PFKFB2: variants seen among roughly 807,000 people sequenced by gnomAD.
PFKFB2 encodes 6-phosphofructo-2-kinase/fructose-2,6-bisphosphatase 2.
A neutral mutation model predicts 68.0 loss-of-function variants in PFKFB2; 53 were observed. The ratio of observed to expected loss-of-function variants is 0.78; its 90% CI spans 0.63 to 0.98. PFKFB2 has a LOEUF of 0.98. Ranked by LOEUF, PFKFB2 falls within the 50% of genes least tolerant of loss-of-function variation. The pLI is 0.00. For synonymous variants in PFKFB2, 222 were observed against 227.6 expected (o/e 0.98, Z 0.22); for missense variants, 451 against 642.0 (o/e 0.70, Z 3.22).
intron 10 of PFKFB2, among the ~76,000 whole-genome samples, chr1:207,068,678 A>T (rs1035872126): frequency 2.0e-5 from 3 of 152,094 alleles, no homozygotes; most frequent in African/African-American, 7.2e-5. Context: ...TTGGTCAGCT[A>T]TTCAGGAAAA....
In PFKFB2 at chr1:207,077,149, TC is replaced by T. The variant is rs1385119546; in HGVS notation, c.*4782del. 3.0e-6 allele frequency: 3 copies of T among 984,860 alleles called. No individual in the cohort carries two copies. The African/African-American group carries it at 5.2e-5, about 17-fold the overall frequency. The allele number at this position is 984,860 out of a possible 1,614,324, so 61.0% of individuals were successfully genotyped here. ...CTTTACTTGAAGTCATCTCATCCAGTCCCCTGCTTTAGGGCAGGACTTCAGT... is the reference window on the plus strand; with the variant it reads ...CTTTACTTGAAGTCATCTCATCCAGTCCCTGCTTTAGGGCAGGACTTCAGT... On this transcript the variant is annotated 3_prime_UTR_variant, in exon 15 of 15. Coordinates refer to ENST00000367080, the MANE Select transcript of PFKFB2 (RefSeq NM_006212.2).
intron 4 of PFKFB2, 31 bp downstream of exon 4, chr1:207,062,747 T>G: frequency 3.1e-6 from 5 of 1,601,670 alleles, no homozygotes; most frequent in Non-Finnish European, 1.7e-6. Context: ...GATCTCCAGG[T>G]CAGCTCTTTC....
At chr1:207,061,129 C>CTTTCTATATA (rs1487570342) in intron 2 of PFKFB2, among the ~76,000 whole-genome samples, 1 of 69,948 alleles carries the variant, frequency 1.4e-5, no homozygotes, top group Non-Finnish European at 2.9e-5. Context: ...TTATATATAT[C>CTTTCTATATA]TTTATATATA....
chr1:207,073,286 C>A lies in PFKFB2; in HGVS notation c.*915C>A. On this transcript the variant is annotated 3_prime_UTR_variant, in exon 15 of 15. Coordinates refer to ENST00000367080, the MANE Select transcript of PFKFB2 (RefSeq NM_006212.2). ...AGAGTAGGGTGGGCTCTAGCTCTTGCAGGGCTCTTAGAGAGCAGTCATGTC... is the reference window on the plus strand; with the variant it reads ...AGAGTAGGGTGGGCTCTAGCTCTTGAAGGGCTCTTAGAGAGCAGTCATGTC... 4.1e-6 allele frequency: 4 copies of A among 985,372 alleles called. No homozygotes were observed. The highest frequency in any genetic ancestry group is 4.8e-6 in the Non-Finnish European group (4 of 829,916). The allele number at this position is 985,372 out of a possible 1,614,324, so 61.0% of individuals were successfully genotyped here.
chr1:207,055,593 G>A (rs760220905), intron 2 of PFKFB2, among the ~76,000 whole-genome samples: 5 of 151,660 alleles, frequency 3.3e-5, no homozygotes, highest in African/African-American at 9.7e-5. Flanking sequence ...CTTCTGGATG[G>A]CACCATTCCT....
chr1:207,061,112 TATATCTTTATA>T (rs1683085768), intron 2 of PFKFB2, among the ~76,000 whole-genome samples: 1 of 39,394 alleles, frequency 2.5e-5, no homozygotes, highest in Non-Finnish European at 6.2e-5. Flanking sequence ...TATATATCTA[TATATCTTTATA>T]TATATCTTTA....
At chr1:207,071,626 T>G in intron 14 of PFKFB2, 53 bp downstream of exon 14, 1 of 1,345,940 alleles carries the variant, frequency 7.4e-7, no homozygotes, top group Non-Finnish European at 1.1e-6. Context: ...CTTGAGTCTC[T>G]GAAGCTTTGA....
chr1:207,063,888 G>GGGGGGGTGT lies in PFKFB2; in HGVS notation c.507+60_507+61insGGGGGTGTG. ...ACCTTTTGTGCTGTGTGTGTTGTGG[G>GGGGGGGTGT]GTGTGTGTGTGTGTGTGTGTGTGTG... On this transcript the variant is annotated intron_variant, in intron 7 of 14. Coordinates refer to ENST00000367080, the MANE Select transcript of PFKFB2 (RefSeq NM_006212.2). This position sits in a 1 kb window ranked among gnomAD's most constrained non-coding sequence, Gnocchi z 4.1. 1 of 1,015,394 alleles carries GGGGGGGTGT rather than the reference G, an allele frequency of 9.8e-7. No individual in the cohort carries two copies. Among genetic ancestry groups the GGGGGGGTGT allele is most frequent in the East Asian group, 2.4e-5 (1 of 41,892 alleles). 62.9% of individuals were successfully genotyped at this position (1,015,394 alleles called of 1,614,324 possible).
At chr1:207,079,148 G>T, downstream of PFKFB2, 1 of 772,788 alleles carries the variant, frequency 1.3e-6, no homozygotes, top group Admixed American at 1.9e-5. Flanking sequence ...CCAAAACGAG[G>T]CCTGGAGAAA....
At chr1:207,061,007 ATAT>A (rs1683074136) in intron 2 of PFKFB2, 1 of 126,296 alleles carries the variant, frequency 7.9e-6, no homozygotes, top group East Asian at 2.0e-4. Context: ...TATATCTTAA[ATAT>A]TATATATTTA....
intron 8 of PFKFB2, 60 bp downstream of exon 8, chr1:207,065,220 C>A (rs565785975): frequency 1.3e-6 from 2 of 1,592,308 alleles, no homozygotes; most frequent in Middle Eastern, 4.1e-4. Context: ...GGGAAAATAA[C>A]CTTTCTCCCT....
chr1:207,053,665 T>C (rs1682823103), intron 1 of PFKFB2, among the ~76,000 whole-genome samples: 1 of 152,106 alleles, frequency 6.6e-6, no homozygotes, highest in Non-Finnish European at 1.5e-5. Context: ...CTTACCCCTC[T>C]TCCTGAGGTG....
intron 1 of PFKFB2, among the ~76,000 whole-genome samples, chr1:207,040,482 AAG>A (rs1682455174): frequency 6.6e-6 from 1 of 152,190 alleles, no homozygotes; most frequent in East Asian, 1.9e-4. Context: ...TACTAAAGCA[AAG>A]AGAGAGAAGG....
At chr1:207,058,847 A>C (rs1219522446) in intron 2 of PFKFB2, among the ~76,000 whole-genome samples, 1 of 152,222 alleles carries the variant, frequency 6.6e-6, no homozygotes, top group African/African-American at 2.4e-5. Flanking sequence ...GTTTAAGTTT[A>C]AGAAAAGGAG....
chr1:207,075,092 G>A lies in PFKFB2; in HGVS notation c.*2721G>A. The A allele has an allele frequency of 1.0e-6, 1 of 985,448 alleles. No individual in the cohort carries two copies. Among genetic ancestry groups the A allele is most frequent in the South Asian group, 4.7e-5 (1 of 21,288 alleles). The allele number at this position is 985,448 out of a possible 1,614,324, so 61.0% of individuals were successfully genotyped here. ...AATGAATGAGAAGAGGGAGCACTTT[G>A]ATCCACAGACTTTGGATTAACACTG... On this transcript the variant is annotated 3_prime_UTR_variant, in exon 15 of 15. Transcript: ENST00000367080.
At chr1:207,064,560 T>C (rs996884689) in intron 7 of PFKFB2, among the ~76,000 whole-genome samples, 3 of 152,176 alleles carry the variant, frequency 2.0e-5, no homozygotes, top group Non-Finnish European at 4.4e-5. Flanking sequence ...CCAGTCCCCA[T>C]TGGATGGGTT....
chr1:207,079,250 G>A (rs1683705524), downstream of PFKFB2: 1 of 579,546 alleles, frequency 1.7e-6, no homozygotes, highest in Non-Finnish European at 3.1e-6. Context: ...TTAGCAACCT[G>A]AACCAGTGAC....
rs1191207752 is a variant in PFKFB2, at chr1:207,040,987, G to A, written c.-61-1182G>A. On this transcript the variant is annotated intron_variant, in intron 1 of 5. Transcript: ENST00000545806. ...TCTGTCGCCTAGGCTGGAGTGCAGT[G>A]GCGCTATCTCGGCTCACTGCAAGCT... is the stretch of plus-strand genomic sequence containing the variant. Among the ~76,000 whole-genome samples the A allele has an allele frequency of 2.1e-5, 3 of 142,902 alleles. No homozygotes were observed. The East Asian group carries it at 6.1e-4, about 29-fold the overall frequency. The allele number at this position is 142,902 out of a possible 152,430, so 93.7% of individuals were successfully genotyped here. A position where few individuals can be genotyped will look rare whatever the true frequency, so the allele number is the denominator to read the frequency against.
intron 2 of PFKFB2, chr1:207,045,825 T>C (rs1442058308): frequency 6.6e-6 from 1 of 152,046 alleles, no homozygotes; most frequent in East Asian, 1.9e-4. Context: ...ATTATTATTT[T>C]GCTGGGACTT....
Sources: allele counts gnomAD v4.1 joint callset (sites outside exome capture counted in the v4.1 genomes callset), GRCh38; gene constraint gnomAD v4.1.1; non-coding constraint Gnocchi (gnomAD v3.1); transcripts MANE v1.5; gene names NCBI Gene and HGNC (gene_info 2026-07-23, HGNC 2026-07-21).